Variants in CNTN1 observed in about 807,000 individuals in gnomAD.
CNTN1 encodes contactin 1.
In CNTN1, 38 loss-of-function variants were observed where a neutral mutation model predicts 126.4. The observed-to-expected ratio is 0.30, with a 90% CI of 0.23 to 0.39. CNTN1 has a LOEUF of 0.39. CNTN1 is among the 10% of genes least tolerant of loss of function. The pLI, the probability that CNTN1 is intolerant of heterozygous loss-of-function variation, is 1.00. For missense variants in CNTN1, 1,009 were observed against 1,248.4 expected, an observed-to-expected ratio of 0.81 and a Z score of 2.89; for synonymous variants, 413 against 422.6, an observed-to-expected ratio of 0.98 and a Z score of 0.28.
intron 3 of CNTN1, among the ~76,000 whole-genome samples, chr12:40,910,804 C>G (rs1944997253): frequency 1.3e-5 from 2 of 152,278 alleles, no homozygotes; most frequent in South Asian, 4.1e-4. Context: ...AGCATAATGA[C>G]TGGCAAGTAG....
intron 6 of CNTN1, among the ~76,000 whole-genome samples, chr12:40,925,906 T>C (rs891829649): frequency 6.8e-6 from 1 of 148,102 alleles, no homozygotes; most frequent in Non-Finnish European, 1.5e-5. Flanking sequence ...ATTTTCATAG[T>C]GTTTCCCACA....
intron 23 of CNTN1, among the ~76,000 whole-genome samples, chr12:41,032,367 CAA>C (rs35270939): frequency 1.8e-4 from 14 of 78,302 alleles, no homozygotes; most frequent in Non-Finnish European, 1.7e-4. Context: ...GACTCCGTCT[CAA>C]AAAAAAAAAA....
At chr12:40,718,459 G>A (rs950805889) in intron 1 of CNTN1, among the ~76,000 whole-genome samples, 10 of 152,212 alleles carry the variant, frequency 6.6e-5, no homozygotes, top group Admixed American at 2.0e-4. Flanking sequence ...GATTACAGGC[G>A]TGAGCCATCA....
At chr12:40,729,140 T>C in intron 1 of CNTN1, 1 of 208,176 alleles carries the variant, frequency 4.8e-6, no homozygotes, top group Middle Eastern at 1.8e-3. Context: ...TCCTTGGGAA[T>C]GTCTGAATCT....
intron 4 of CNTN1, among the ~76,000 whole-genome samples, chr12:40,919,593 AT>A (rs1328270250): frequency 6.6e-6 from 1 of 152,152 alleles, no homozygotes; most frequent in African/African-American, 2.4e-5. Context: ...TAATTTTAAT[AT>A]TTTTTCCTTG....
At chr12:40,996,471 T>A (rs1362239887) in intron 17 of CNTN1, among the ~76,000 whole-genome samples, 7 of 152,182 alleles carry the variant, frequency 4.6e-5, no homozygotes. Flanking sequence ...GAATCATTTA[T>A]CTTAAGGGAT....
intron 1 of CNTN1, among the ~76,000 whole-genome samples, chr12:40,889,184 G>A (rs940249779): frequency 6.6e-6 from 1 of 152,186 alleles, no homozygotes. Flanking sequence ...TTAATAGGTT[G>A]GTGAGAAGTA....
chr12:40,841,557 C>G (rs115544515), intron 1 of CNTN1, among the ~76,000 whole-genome samples: 1,747 of 152,044 alleles, frequency 0.011, 31 homozygotes, highest in African/African-American at 0.039. Context: ...AATCCAATAA[C>G]ATAACAAAAA....
chr12:40,767,781 A>C (rs1230901661), intron 1 of CNTN1, among the ~76,000 whole-genome samples: 1 of 152,170 alleles, frequency 6.6e-6, no homozygotes, highest in Non-Finnish European at 1.5e-5. Flanking sequence ...AAAGTTATCA[A>C]ACTGAGATAA....
At chr12:41,037,836 A>G (rs1465682575) in intron 23 of CNTN1, among the ~76,000 whole-genome samples, 1 of 152,110 alleles carries the variant, frequency 6.6e-6, no homozygotes, top group Non-Finnish European at 1.5e-5. Context: ...GCTGGTGAGT[A>G]CAAAGGCATT....
chr12:41,069,927 A>C lies in CNTN1; in HGVS notation c.2981-32A>C, dbSNP rs1950128644. 3 of 1,571,914 alleles carry C rather than the reference A, an allele frequency of 1.9e-6. No individual in the cohort carries two copies. The African/African-American group carries it at 4.0e-5, about 21-fold the overall frequency. ...GAGCAATAGTGACATGTATCAATGA[A>C]ATAATATGCACACTTTTGGTTTACC... On this transcript the variant is annotated intron_variant, in intron 23 of 23. Coordinates refer to ENST00000551295, the MANE Select transcript of CNTN1 (RefSeq NM_001843.4).
intron 1 of CNTN1, among the ~76,000 whole-genome samples, chr12:40,837,389 A>G (rs1258573489): frequency 6.6e-6 from 1 of 152,172 alleles, no homozygotes; most frequent in African/African-American, 2.4e-5. Context: ...CCCAGGGATT[A>G]GGTGAGCAAG....
chr12:40,778,380 A>C (rs1317655713), intron 1 of CNTN1, among the ~76,000 whole-genome samples: 1 of 151,850 alleles, frequency 6.6e-6, no homozygotes, highest in African/African-American at 2.4e-5. Context: ...CTTTCCTGAT[A>C]CAAGGGCAGA....
chr12:40,853,822 T>G (rs1335910522), intron 1 of CNTN1, among the ~76,000 whole-genome samples: 1 of 151,714 alleles, frequency 6.6e-6, no homozygotes, highest in African/African-American at 2.4e-5. Context: ...TACTTTTTGT[T>G]TAAACAGCTC....
intron 4 of CNTN1, among the ~76,000 whole-genome samples, chr12:40,920,305 G>GCCCCCATT (rs1945390118): frequency 6.7e-6 from 1 of 150,128 alleles, no homozygotes; most frequent in African/African-American, 2.4e-5. Flanking sequence ...CTGCCCCCAT[G>GCCCCCATT]CCCCCACCCC....
rs777953120 is a variant in CNTN1, at chr12:40,822,148, C to CTTTTTTTTTTTTTTTTTTT, written c.-76-86203_-76-86185dup. On this transcript the variant is annotated intron_variant, in intron 1 of 23. Transcript: ENST00000551295. ...TTTCCAGTCTAGACAAAATATAAAT[C>CTTTTTTTTTTTTTTTTTTT]TTTTTTTTTTTTTTTTTTTTTTTTG... Among the ~76,000 whole-genome samples, 296 of 47,250 alleles carry CTTTTTTTTTTTTTTTTTTT rather than the reference C, an allele frequency of 6.3e-3. 49 individuals are homozygous for CTTTTTTTTTTTTTTTTTTT. The highest frequency in any genetic ancestry group is 9.7e-3 in the Non-Finnish European group (228 of 23,472). 31.0% of individuals were successfully genotyped at this position (47,250 alleles called of 152,430 possible).
chr12:41,067,946 CA>C (rs1950082071), intron 23 of CNTN1, among the ~76,000 whole-genome samples: 1 of 152,142 alleles, frequency 6.6e-6, no homozygotes, highest in East Asian at 1.9e-4. Context: ...TACAAGAATA[CA>C]AAGATCTCTT....
chr12:40,718,681 C>T (rs1005325177), intron 1 of CNTN1, among the ~76,000 whole-genome samples: 1 of 152,158 alleles, frequency 6.6e-6, no homozygotes, highest in African/African-American at 2.4e-5. Flanking sequence ...TCACATGGCA[C>T]TGTGAGGTAG....
At chr12:40,981,633 G>A (rs758273552) in intron 16 of CNTN1, among the ~76,000 whole-genome samples, 5 of 151,780 alleles carry the variant, frequency 3.3e-5, no homozygotes, top group East Asian at 3.9e-4. Context: ...AAAGTTGATC[G>A]GGAAAAATTA....
Sources: allele counts gnomAD v4.1 joint callset (sites outside exome capture counted in the v4.1 genomes callset), GRCh38; gene constraint gnomAD v4.1.1; transcripts MANE v1.5; gene names NCBI Gene and HGNC (gene_info 2026-07-23, HGNC 2026-07-21).